Variants in TENM2 observed in about 807,000 individuals in gnomAD.
The protein encoded by TENM2 is teneurin-2.
In TENM2, 52 loss-of-function variants were observed where a neutral mutation model predicts 245.2. The observed-to-expected ratio is 0.21, with a 90% CI of 0.17 to 0.27. The LOEUF (loss-of-function observed/expected upper bound fraction) is 0.27, where lower values mean the gene tolerates loss of function less well. Ranked by LOEUF, TENM2 falls within the 10% of genes least tolerant of loss-of-function variation. TENM2 has a pLI of 1.00. For synonymous variants in TENM2, 1,363 were observed against 1,438.9 expected (o/e 0.95, Z 1.19); for missense variants, 3,046 against 3,666.8 (o/e 0.83, Z 4.37).
At chr5:167,029,114 T>C in the TENM2 span, among the ~76,000 whole-genome samples, 1 of 152,220 alleles carries the variant, frequency 6.6e-6, no homozygotes, top group Non-Finnish European at 1.5e-5. Context: ...TTTAGTTTTT[T>C]ATTTCAAGCA....
chr5:168,104,554 A>G (rs1019867682), intron 9 of TENM2, among the ~76,000 whole-genome samples: 6 of 152,176 alleles, frequency 3.9e-5, no homozygotes, highest in African/African-American at 1.4e-4. Flanking sequence ...GCGACCGGGT[A>G]TGTGTCCAAG....
chr5:167,213,032 T>C, the TENM2 span, among the ~76,000 whole-genome samples: 1 of 152,230 alleles, frequency 6.6e-6, no homozygotes, highest in Non-Finnish European at 1.5e-5. Context: ...AATGGATATT[T>C]ACAGTTTTAA....
chr5:166,987,627 G>T, the TENM2 span, among the ~76,000 whole-genome samples: 1 of 152,076 alleles, frequency 6.6e-6, no homozygotes, highest in Admixed American at 6.5e-5. Context: ...TTGCCAGGAG[G>T]ATGCAGATCA....
At chr5:167,066,556 G>A in the TENM2 span, among the ~76,000 whole-genome samples, 356 of 81,006 alleles carry the variant, frequency 4.4e-3, no homozygotes, top group Non-Finnish European at 6.6e-3. Flanking sequence ...AACAGTCCCC[G>A]GAGTGTGATG....
chr5:168,092,087 A>G (rs748805177), intron 8 of TENM2, among the ~76,000 whole-genome samples: 1 of 152,148 alleles, frequency 6.6e-6, no homozygotes, highest in Non-Finnish European at 1.5e-5. Flanking sequence ...GAACTTTTCT[A>G]TTGGTCCCAT....
chr5:168,093,474 A>T (rs527315477), intron 8 of TENM2, among the ~76,000 whole-genome samples: 11 of 152,330 alleles, frequency 7.2e-5, no homozygotes, highest in Admixed American at 5.9e-4. Context: ...CTATCATCAG[A>T]ACATTCTCCA....
At chr5:167,665,331 A>G (rs1260330481) in intron 2 of TENM2, among the ~76,000 whole-genome samples, 2 of 152,164 alleles carry the variant, frequency 1.3e-5, no homozygotes, top group Non-Finnish European at 2.9e-5. Flanking sequence ...GTGTCGGTAG[A>G]TGTCATTAGT....
At chr5:167,210,011 A>G in the TENM2 span, among the ~76,000 whole-genome samples, 49,364 of 152,156 alleles carry the variant, frequency 0.32, 9,918 homozygotes, top group Non-Finnish European at 0.46. Context: ...CTTAAATTCC[A>G]TCCTGTGAAC....
chr5:167,858,317 A>G (rs767313556), intron 2 of TENM2, among the ~76,000 whole-genome samples: 3 of 152,248 alleles, frequency 2.0e-5, no homozygotes, highest in Non-Finnish European at 2.9e-5. Context: ...GAAGCTGGGC[A>G]TTTTTGCATG....
intron 4 of TENM2, among the ~76,000 whole-genome samples, chr5:167,968,835 C>T (rs1781565669): frequency 6.6e-6 from 1 of 152,168 alleles, no homozygotes; most frequent in Non-Finnish European, 1.5e-5. Context: ...CCCCCATCCC[C>T]ACTCTCACCA....
chr5:168,145,224 C>T (rs1755944362), intron 12 of TENM2, among the ~76,000 whole-genome samples: 4 of 138,660 alleles, frequency 2.9e-5, no homozygotes, highest in South Asian at 5.0e-4. Flanking sequence ...GTTGCCATTG[C>T]TTTTGGTGTT....
intron 2 of TENM2, among the ~76,000 whole-genome samples, chr5:167,847,114 C>A (rs1482422961): frequency 6.6e-6 from 1 of 152,166 alleles, no homozygotes; most frequent in Non-Finnish European, 1.5e-5. Context: ...CCATGCCTGG[C>A]TACTTTTTAA....
chr5:167,495,252 T>G (rs1273687069), intron 2 of TENM2, among the ~76,000 whole-genome samples: 1 of 151,792 alleles, frequency 6.6e-6, no homozygotes, highest in East Asian at 1.9e-4. Context: ...TTGTTTTTTT[T>G]TTTTGCATAT....
At chr5:167,190,350 G>A in the TENM2 span, among the ~76,000 whole-genome samples, 1 of 152,022 alleles carries the variant, frequency 6.6e-6, no homozygotes, top group South Asian at 2.1e-4. Flanking sequence ...TAAGGTGAAG[G>A]TCCCCTCTAC....
At chr5:167,334,371 TC>T (rs1368938769) in intron 1 of TENM2, among the ~76,000 whole-genome samples, 2 of 152,236 alleles carry the variant, frequency 1.3e-5, no homozygotes, top group African/African-American at 2.4e-5. Flanking sequence ...CCTTCAATGT[TC>T]CTGTTGAAAG....
intron 1 of TENM2, among the ~76,000 whole-genome samples, chr5:167,333,440 T>A (rs994448489): frequency 6.6e-6 from 1 of 152,234 alleles, no homozygotes; most frequent in African/African-American, 2.4e-5. Flanking sequence ...TGGTAGTTGT[T>A]GTTATTATTA....
At chr5:167,481,596 G>A (rs1767762619) in intron 2 of TENM2, among the ~76,000 whole-genome samples, 1 of 152,012 alleles carries the variant, frequency 6.6e-6, no homozygotes, top group Admixed American at 6.6e-5. Flanking sequence ...ACTCGACAGC[G>A]TTTCAAGTGC....
intron 13 of TENM2, among the ~76,000 whole-genome samples, chr5:168,181,554 G>C (rs1421256426): frequency 6.6e-6 from 1 of 152,032 alleles, no homozygotes; most frequent in African/African-American, 2.4e-5. Context: ...AAGGTGCTTT[G>C]GTACAACGAT....
chr5:167,803,101 A>G (rs1765902867), intron 2 of TENM2, among the ~76,000 whole-genome samples: 1 of 152,176 alleles, frequency 6.6e-6, no homozygotes, highest in Non-Finnish European at 1.5e-5. Flanking sequence ...TAGCAAATCA[A>G]TAATTGGCCA....
Sources: gnomAD v4.1 joint callset for allele counts (sites outside exome capture counted in the v4.1 genomes callset) on GRCh38, gnomAD v4.1.1 for gene constraint, MANE v1.5 for transcripts, NCBI Gene and HGNC (gene_info 2026-07-23, HGNC 2026-07-21) for gene names.